Variants in TMCC1 observed in about 807,000 individuals in gnomAD.
TMCC1 encodes transmembrane and coiled-coil domain family 1.
In TMCC1, 15 loss-of-function variants were observed where a neutral mutation model predicts 52.4. That is an observed-to-expected ratio of 0.29 (90% CI 0.19 to 0.44). The LOEUF is 0.44. Among genes scored for constraint, TMCC1 ranks in the 20% least tolerant of loss-of-function variants. The probability of loss-of-function intolerance (pLI) is 1.00; values close to 1 mark genes in which losing one functional copy is unlikely to be tolerated. For missense variants in TMCC1, 503 were observed against 806.0 expected (o/e 0.62, Z 4.55); for synonymous variants, 279 against 301.9 (o/e 0.92, Z 0.79).
intron 5 of TMCC1, among the ~76,000 whole-genome samples, chr3:129,666,152 C>G (rs1038909152): frequency 6.6e-6 from 1 of 152,132 alleles, no homozygotes; most frequent in African/African-American, 2.4e-5. Context: ...AAGCCTACAA[C>G]AGAGTAGAAG....
At chr3:129,676,300 AAATC>A (rs1384239258) in intron 4 of TMCC1, among the ~76,000 whole-genome samples, 1 of 152,046 alleles carries the variant, frequency 6.6e-6, no homozygotes, top group Non-Finnish European at 1.5e-5. Context: ...AAAAAGGTAA[AAATC>A]AGTCAGTTAA....
chr3:129,743,059 A>T (rs2051601806), intron 4 of TMCC1, among the ~76,000 whole-genome samples: 1 of 152,192 alleles, frequency 6.6e-6, no homozygotes, highest in African/African-American at 2.4e-5. Flanking sequence ...AGTGATGCCT[A>T]AGAGGTATGG....
At chr3:129,746,698 T>C (rs1462654633) in intron 4 of TMCC1, among the ~76,000 whole-genome samples, 1 of 152,210 alleles carries the variant, frequency 6.6e-6, no homozygotes. Context: ...ATATAAGGAA[T>C]ATCTGAAATA....
At chr3:129,713,815 A>G (rs1344086153) in intron 4 of TMCC1, among the ~76,000 whole-genome samples, 1 of 152,140 alleles carries the variant, frequency 6.6e-6, no homozygotes, top group East Asian at 1.9e-4. Context: ...TAGACCACCT[A>G]CTTCCCCCAT....
chr3:129,791,817 CTTAATTT>C (rs2056486691), intron 4 of TMCC1, among the ~76,000 whole-genome samples: 2 of 152,144 alleles, frequency 1.3e-5, no homozygotes, highest in African/African-American at 4.8e-5. Context: ...TCACCTAAAT[CTTAATTT>C]ACTTCCTTTT....
intron 6 of TMCC1, 59 bp downstream of exon 6, chr3:129,654,909 T>C (rs925713945): frequency 1.9e-6 from 3 of 1,579,328 alleles, no homozygotes; most frequent in Non-Finnish European, 2.6e-6. Context: ...TCCGCTGTTT[T>C]CCTTTTTTCT....
At chr3:129,789,386 C>T (rs973440863) in intron 4 of TMCC1, among the ~76,000 whole-genome samples, 1 of 152,164 alleles carries the variant, frequency 6.6e-6, no homozygotes, top group African/African-American at 2.4e-5. Context: ...TATCATAGGC[C>T]ATAAACCCAA....
rs537207916 is a variant in TMCC1 at position 129,662,386 on chromosome 3, T to C, written c.1512-7283A>G. On this transcript the variant is annotated intron_variant, in intron 5 of 6. Coordinates refer to ENST00000393238, the MANE Select transcript of TMCC1 (RefSeq NM_001017395.5). ...CAATTGTTCCTAGGCTACAAAGCTG[T>C]ACAGCAAGTTACTGTACCATAGGCA... is the stretch of plus-strand genomic sequence containing the variant. 3.9e-5 allele frequency among the ~76,000 whole-genome samples: 6 copies of C among 152,334 alleles called. No individual in the cohort carries two copies. The East Asian group carries it at 9.6e-4, about 24-fold the overall frequency.
chr3:129,742,898 A>G (rs1320990317), intron 4 of TMCC1, among the ~76,000 whole-genome samples: 1 of 152,190 alleles, frequency 6.6e-6, no homozygotes, highest in Non-Finnish European at 1.5e-5. Flanking sequence ...CTGAAGGACC[A>G]TGTATTACAT....
chr3:129,840,401 GAA>G (rs2059371837), intron 2 of TMCC1, among the ~76,000 whole-genome samples: 1 of 150,306 alleles, frequency 6.7e-6, no homozygotes, highest in East Asian at 1.9e-4. Context: ...ATTTAAAGAG[GAA>G]AAAAATAAAA....
chr3:129,734,513 C>T (rs1008295024), intron 4 of TMCC1, among the ~76,000 whole-genome samples: 2 of 151,950 alleles, frequency 1.3e-5, no homozygotes, highest in Non-Finnish European at 2.9e-5. Flanking sequence ...TGGAGAAACC[C>T]CGTCACTACA....
chr3:129,771,645 C>T (rs936459220), intron 4 of TMCC1, among the ~76,000 whole-genome samples: 3 of 151,590 alleles, frequency 2.0e-5, no homozygotes, highest in South Asian at 2.1e-4. Context: ...TGTGGTGGCA[C>T]GCATCTGTGG....
At chr3:129,771,470 C>A (rs1343783664) in intron 4 of TMCC1, among the ~76,000 whole-genome samples, 1 of 151,934 alleles carries the variant, frequency 6.6e-6, no homozygotes, top group African/African-American at 2.4e-5. Context: ...CTATCACAGA[C>A]ACAGTTTAGA....
intron 1 of TMCC1, among the ~76,000 whole-genome samples, chr3:129,888,100 G>C (rs917019989): frequency 1.3e-5 from 2 of 152,198 alleles, no homozygotes; most frequent in Non-Finnish European, 2.9e-5. Flanking sequence ...TTTCCCACAG[G>C]TATACAGATT....
At chr3:129,877,915 C>G (rs547386491) in intron 2 of TMCC1, among the ~76,000 whole-genome samples, 1 of 151,632 alleles carries the variant, frequency 6.6e-6, no homozygotes, top group Non-Finnish European at 1.5e-5. Flanking sequence ...GGATTACAGG[C>G]GTGAGCCACC....
chr3:129,693,503 A>ATTTTTTTTT (rs11433105), intron 4 of TMCC1, among the ~76,000 whole-genome samples: 18 of 122,010 alleles, frequency 1.5e-4, no homozygotes, highest in African/African-American at 5.2e-4. Context: ...CCAAGATTGA[A>ATTTTTTTTT]TTTTTTTTTT....
At chr3:129,817,790 G>A (rs990019430) in intron 4 of TMCC1, among the ~76,000 whole-genome samples, 1 of 152,084 alleles carries the variant, frequency 6.6e-6, no homozygotes, top group South Asian at 2.1e-4. Flanking sequence ...TGGAATTACA[G>A]GTGTGCACCA....
At chr3:129,769,927 C>T (rs563047553) in intron 4 of TMCC1, among the ~76,000 whole-genome samples, 5 of 152,230 alleles carry the variant, frequency 3.3e-5, no homozygotes, top group Admixed American at 1.3e-4. Flanking sequence ...AATTTGTCTA[C>T]CCTTTCCTTT....
intron 4 of TMCC1, among the ~76,000 whole-genome samples, chr3:129,737,189 G>A (rs555992227): frequency 4.6e-5 from 7 of 152,264 alleles, no homozygotes; most frequent in South Asian, 4.1e-4. Flanking sequence ...GAGGGGGGCC[G>A]GGCGTGGTGG....
Sources: allele counts gnomAD v4.1 joint callset (sites outside exome capture counted in the v4.1 genomes callset), GRCh38; gene constraint gnomAD v4.1.1; transcripts MANE v1.5; gene names NCBI Gene and HGNC (gene_info 2026-07-23, HGNC 2026-07-21).